Variants in LINGO2 observed in about 807,000 individuals in gnomAD.
LINGO2 encodes the protein leucine rich repeat and Ig domain containing 2.
Under a neutral mutation model 30.6 loss-of-function variants are expected in LINGO2, and 14 were observed. The ratio of observed to expected loss-of-function variants is 0.46; its 90% CI spans 0.30 to 0.72. The LOEUF is 0.72. LINGO2 is among the 30% of genes least tolerant of loss of function. The pLI, the probability that LINGO2 is intolerant of heterozygous loss-of-function variation, is 0.07. For synonymous variants in LINGO2, 317 were observed against 288.5 expected (o/e 1.10, Z -1.00); for missense variants, 729 against 751.7 (o/e 0.97, Z 0.35).
the LINGO2 span, among the ~76,000 whole-genome samples, chr9:29,184,755 T>C: frequency 0.049 from 7,459 of 151,532 alleles, 276 homozygotes; most frequent in Admixed American, 0.09. Flanking sequence ...CTCTCTCTTT[T>C]TCTGGTTTTG....
the LINGO2 span, among the ~76,000 whole-genome samples, chr9:28,697,759 A>G: frequency 6.6e-6 from 1 of 152,018 alleles, no homozygotes; most frequent in Admixed American, 6.6e-5. Flanking sequence ...CCACATTATC[A>G]AGTAAACTGT....
At chr9:28,291,851 G>C (rs1823741967) in intron 4 of LINGO2, among the ~76,000 whole-genome samples, 1 of 152,048 alleles carries the variant, frequency 6.6e-6, no homozygotes. Flanking sequence ...AAGAAACTTG[G>C]CAAATTCCAA....
At chr9:28,746,330 C>T in the LINGO2 span, among the ~76,000 whole-genome samples, 1 of 151,930 alleles carries the variant, frequency 6.6e-6, no homozygotes, top group Non-Finnish European at 1.5e-5. Context: ...AATTACTTGA[C>T]ACGCTATATA....
the LINGO2 span, among the ~76,000 whole-genome samples, chr9:29,085,045 T>C: frequency 6.6e-6 from 1 of 151,886 alleles, no homozygotes; most frequent in Middle Eastern, 3.2e-3. Flanking sequence ...TTTTCAAACC[T>C]AGAACACAGG....
At chr9:28,965,732 T>G in the LINGO2 span, among the ~76,000 whole-genome samples, 36 of 152,212 alleles carry the variant, frequency 2.4e-4, no homozygotes, top group African/African-American at 7.7e-4. Context: ...AAACTATCTT[T>G]AATCTTTATG....
chr9:28,020,423 GGAGGCTGAGACATGCGAATCACTT>G (rs1823054572), intron 4 of LINGO2, among the ~76,000 whole-genome samples: 1 of 152,166 alleles, frequency 6.6e-6, no homozygotes. Flanking sequence ...CAGCTACTCA[GGAGGCTGAGACATGCGAATCACTT>G]TAACCTGGGT....
At position 28,254,030 on chromosome 9, in the gene LINGO2, T is replaced by C. The variant is rs571271514; in HGVS notation, c.-87+41178A>G. The stretch of plus-strand genomic sequence containing the variant: ...TTTCCCTTTTGCCCAACAAATTCCA[T>C]TTTTCCTCACCCTTCAAGGTGTCTG... On this transcript the variant is annotated intron_variant, in intron 4 of 5. Coordinates refer to ENST00000379992, the Ensembl canonical transcript of LINGO2. Among the ~76,000 whole-genome samples the C allele has an allele frequency of 3.3e-5, 5 of 152,150 alleles. No individual in the cohort carries two copies. The East Asian group carries it at 7.7e-4, about 24-fold the overall frequency.
At chr9:29,153,943 C>G in the LINGO2 span, among the ~76,000 whole-genome samples, 2 of 152,104 alleles carry the variant, frequency 1.3e-5, no homozygotes, top group African/African-American at 4.8e-5. Context: ...CCCATGAGAT[C>G]CAGATAGAAG....
intron 4 of LINGO2, among the ~76,000 whole-genome samples, chr9:28,252,333 C>T (rs1304247054): frequency 6.6e-6 from 1 of 152,024 alleles, no homozygotes; most frequent in Non-Finnish European, 1.5e-5. Flanking sequence ...TCAAGTGATT[C>T]TCCTGCCTCA....
At chr9:28,992,351 C>T in the LINGO2 span, among the ~76,000 whole-genome samples, 5 of 152,086 alleles carry the variant, frequency 3.3e-5, no homozygotes, top group Admixed American at 1.3e-4. Flanking sequence ...TACGGGAGCA[C>T]CCAAATTCAT....
At chr9:28,301,295 C>A (rs537909619) in intron 3 of LINGO2, among the ~76,000 whole-genome samples, 11 of 152,030 alleles carry the variant, frequency 7.2e-5, no homozygotes, top group Admixed American at 4.6e-4. Context: ...TGAGGAGTCA[C>A]CATCCACTGC....
At chr9:28,776,765 G>A in the LINGO2 span, among the ~76,000 whole-genome samples, 1 of 151,702 alleles carries the variant, frequency 6.6e-6, no homozygotes, top group Non-Finnish European at 1.5e-5. Flanking sequence ...CAATAACGAT[G>A]AGTGAGATTT....
intron 3 of LINGO2, among the ~76,000 whole-genome samples, chr9:28,366,212 T>C (rs1820669063): frequency 1.3e-5 from 2 of 152,186 alleles, no homozygotes; most frequent in Non-Finnish European, 2.9e-5. Flanking sequence ...AAGCAGGGCA[T>C]AACATCATCC....
intron 4 of LINGO2, among the ~76,000 whole-genome samples, chr9:28,027,808 T>C (rs1823457684): frequency 6.6e-6 from 1 of 152,142 alleles, no homozygotes; most frequent in Non-Finnish European, 1.5e-5. Flanking sequence ...TCCCATATAT[T>C]CATCAGTAGA....
chr9:28,028,664 C>T (rs140676667), intron 4 of LINGO2, among the ~76,000 whole-genome samples: 14 of 152,200 alleles, frequency 9.2e-5, no homozygotes, highest in African/African-American at 1.2e-4. Context: ...CTATGCATAT[C>T]CTTCCATGTC....
the LINGO2 span, among the ~76,000 whole-genome samples, chr9:28,889,121 C>A: frequency 6.6e-6 from 1 of 152,138 alleles, no homozygotes; most frequent in Admixed American, 6.6e-5. Flanking sequence ...TGGTCACCTT[C>A]ATTTATGTAT....
chr9:28,711,568 A>C, the LINGO2 span, among the ~76,000 whole-genome samples: 38 of 152,158 alleles, frequency 2.5e-4, no homozygotes, highest in Non-Finnish European at 5.1e-4. Context: ...TTAACTATGC[A>C]TCCTAGAGAA....
chr9:28,058,654 T>A (rs1206552359), intron 4 of LINGO2, among the ~76,000 whole-genome samples: 1 of 152,080 alleles, frequency 6.6e-6, no homozygotes, highest in African/African-American at 2.4e-5. Context: ...TTTCTCTAAT[T>A]TCTATTATAA....
intron 4 of LINGO2, among the ~76,000 whole-genome samples, chr9:28,279,819 A>C (rs1406807491): frequency 3.9e-5 from 6 of 152,096 alleles, no homozygotes; most frequent in Non-Finnish European, 7.4e-5. Flanking sequence ...AAAGAGCCTA[A>C]AGTTTTTCCA....
Sources: allele counts gnomAD v4.1 joint callset (sites outside exome capture counted in the v4.1 genomes callset), GRCh38; gene constraint gnomAD v4.1.1; transcripts MANE v1.5; gene names NCBI Gene and HGNC (gene_info 2026-07-23, HGNC 2026-07-21).